PI4KB: variants seen among roughly 807,000 people sequenced by gnomAD.
PI4KB encodes PtdIns 4-kinase beta.
A neutral mutation model predicts 81.4 loss-of-function variants in PI4KB; 23 were observed. The observed-to-expected ratio is 0.28, with a 90% CI of 0.20 to 0.40. The LOEUF is 0.40. Among genes scored for constraint, PI4KB ranks in the 10% least tolerant of loss-of-function variants. PI4KB has a pLI of 1.00. For missense variants in PI4KB, 651 were observed against 1,036.6 expected, an observed-to-expected ratio of 0.63 and a Z score of 5.11; for synonymous variants, 381 against 406.8, an observed-to-expected ratio of 0.94 and a Z score of 0.76.
At chr1:151,307,824 A>C in intron 3 of PI4KB, 23 bp from the exon 4 acceptor site, 1 of 1,557,152 alleles carries the variant, frequency 6.4e-7, no homozygotes, top group African/African-American at 1.4e-5. Flanking sequence ...GGGGTAAGAC[A>C]AAAGATGGTG....
intron 2 of PI4KB, among the ~76,000 whole-genome samples, chr1:151,313,228 G>C (rs1268037240): frequency 6.6e-6 from 1 of 152,170 alleles, no homozygotes; most frequent in Non-Finnish European, 1.5e-5. Flanking sequence ...CATTCTGTCA[G>C]TATCAGATAA....
At chr1:151,311,715 G>C (rs752216061) in intron 2 of PI4KB, among the ~76,000 whole-genome samples, 37 of 152,220 alleles carry the variant, frequency 2.4e-4, no homozygotes, top group Admixed American at 1.2e-3. Context: ...TGGGGGAAGG[G>C]AGGTATATCA....
At chr1:151,325,706 C>G (rs1649508310) in intron 1 of PI4KB, among the ~76,000 whole-genome samples, 2 of 152,176 alleles carry the variant, frequency 1.3e-5, no homozygotes, top group Admixed American at 1.3e-4. Flanking sequence ...CTAGAAACAT[C>G]TGACAGAAAG....
rs772427493 is a variant in PI4KB at position 151,293,022 on chromosome 1, G to A, written c.2281C>T (p.Pro761Ser). The change falls in exon 12 of 12, where the codon CCT (proline) becomes TCT (serine). Residue 761 changes from proline to serine, a missense_variant. Pro to Ser is a moderately conservative substitution (Grantham distance 74). Coordinates refer to ENST00000368873, the MANE Select transcript of PI4KB (RefSeq NM_001369623.2). ...ATGGTGCTGGAGCCATGGAAGCAAG[G>A]AAGCTGAGAACCTGGGGGAAGCAGT... ...VEIMQQGSQL[P>S]CFHGSSTIRN... The A allele has an allele frequency of 6.2e-7, 1 of 1,614,086 alleles. No homozygotes were observed. Among genetic ancestry groups the A allele is most frequent in the Non-Finnish European group, 8.5e-7 (1 of 1,179,946 alleles).
intron 10 of PI4KB, 21 bp downstream of exon 10, chr1:151,294,388 C>A (rs770940962): frequency 3.7e-6 from 6 of 1,612,512 alleles, no homozygotes; most frequent in Non-Finnish European, 5.1e-6. Context: ...CCCCGAGAGG[C>A]ACCTCTCCTT....
At chr1:151,299,211 C>T (rs980347133) in intron 8 of PI4KB, 138 bp from the exon 9 acceptor site, 5 of 758,048 alleles carry the variant, frequency 6.6e-6, no homozygotes, top group Non-Finnish European at 1.1e-5. Flanking sequence ...ACTCACTTAA[C>T]CCAGTGAGGA....
chr1:151,301,250 C>G (rs11204798), intron 8 of PI4KB, among the ~76,000 whole-genome samples: 108,884 of 151,980 alleles, frequency 0.72, 39,436 homozygotes, highest in Middle Eastern at 0.79. Flanking sequence ...GAGTCTTGCT[C>G]TGTCGCCCAG....
At chr1:151,313,576 T>G (rs1647441111) in intron 2 of PI4KB, among the ~76,000 whole-genome samples, 1 of 152,228 alleles carries the variant, frequency 6.6e-6, no homozygotes, top group African/African-American at 2.4e-5. Flanking sequence ...GCTACAGGTT[T>G]GACTCCAAGA....
chr1:151,293,376 G>A (rs1314718945), intron 11 of PI4KB: 5 of 1,321,280 alleles, frequency 3.8e-6, no homozygotes, highest in Non-Finnish European at 5.0e-6. Flanking sequence ...GCAGACCTCT[G>A]CCTATGCTAC....
At chr1:151,309,009 C>T (rs1048586687) in intron 3 of PI4KB, among the ~76,000 whole-genome samples, 2 of 152,188 alleles carry the variant, frequency 1.3e-5, no homozygotes, top group Non-Finnish European at 2.9e-5. Context: ...GCCTCTGCCT[C>T]TTGGGAGATG....
At chr1:151,299,677 G>A (rs1360774929) in intron 8 of PI4KB, among the ~76,000 whole-genome samples, 5 of 152,000 alleles carry the variant, frequency 3.3e-5, no homozygotes, top group African/African-American at 9.7e-5. Flanking sequence ...GCGACAGAGC[G>A]AGACTCTCTC....
chr1:151,326,461 G>A, intron 1 of PI4KB: 2 of 410,232 alleles, frequency 4.9e-6, no homozygotes, highest in Non-Finnish European at 8.6e-6. Context: ...ACAAGGATCA[G>A]AGAAATCCCT....
chr1:151,316,403 C>T lies in PI4KB; in HGVS notation c.79G>A (p.Gly27Arg). Reference sequence around the variant, plus strand: ...TCCGTGATGACACTTAGCAGGGACCCCCCATTATTCCCTGGTGGGCCAGAA... The same window carrying T: ...TCCGTGATGACACTTAGCAGGGACCTCCCATTATTCCCTGGTGGGCCAGAA... ...PTSGPPGNNG[G>R]SLLSVITEGV... The change falls in exon 2 of 12, where the codon GGG becomes AGG. Residue 27 changes from glycine to arginine, a missense_variant. This residue lies in a region of PI4KB where 314 missense variants were observed against 397.8 expected (regional missense o/e 0.79). Transcript: ENST00000368873. 1 of 1,594,158 alleles carries T rather than the reference C, an allele frequency of 6.3e-7. No homozygotes were observed. Among genetic ancestry groups the T allele is most frequent in the Non-Finnish European group, 8.5e-7 (1 of 1,169,846 alleles).
In PI4KB at chr1:151,316,343, C is replaced by T. The variant is rs1274554646; in HGVS notation, c.139G>A (p.Val47Met). 1 of 1,613,212 alleles carries T rather than the reference C, an allele frequency of 6.2e-7. No homozygotes were observed. Reference sequence around the variant, plus strand: ...ACCTCCTGGCAGGCCTTCTGGGCCACCTCAGGGTCAATCACTGATAGTTCC... The same window carrying T: ...ACCTCCTGGCAGGCCTTCTGGGCCATCTCAGGGTCAATCACTGATAGTTCC... ...VGELSVIDPE[V>M]AQKACQEVLE... The change falls in exon 2 of 12, where the codon GTG becomes ATG. Residue 47 changes from valine (V) to methionine (M), a missense_variant. Val to Met is a conservative substitution (Grantham distance 21, BLOSUM62 1). Around this residue, in one of 5 missense-constraint regions of PI4KB, gnomAD observed 314 missense variants for 397.8 expected, o/e 0.79. Coordinates refer to ENST00000368873, the MANE Select transcript of PI4KB (RefSeq NM_001369623.2).
At chr1:151,323,672 C>CGA (rs958877649) in intron 1 of PI4KB, among the ~76,000 whole-genome samples, 4 of 152,002 alleles carry the variant, frequency 2.6e-5, no homozygotes, top group African/African-American at 9.7e-5. Flanking sequence ...TGCAGTGAGC[C>CGA]GAGATCGTGC....
At chr1:151,325,148 T>C (rs1649437248) in intron 1 of PI4KB, among the ~76,000 whole-genome samples, 1 of 152,004 alleles carries the variant, frequency 6.6e-6, no homozygotes, top group African/African-American at 2.4e-5. Context: ...CTCGCCACCA[T>C]GCCCGGCTAA....
intron 3 of PI4KB, among the ~76,000 whole-genome samples, chr1:151,308,142 G>A (rs1161904546): frequency 6.6e-6 from 1 of 152,160 alleles, no homozygotes; most frequent in Non-Finnish European, 1.5e-5. Context: ...GGTTAGCCAG[G>A]GCCACAGAGA....
At chr1:151,315,458 G>A (rs1647779134) in intron 2 of PI4KB, 115 bp downstream of exon 2, 1 of 745,028 alleles carries the variant, frequency 1.3e-6, no homozygotes, top group Non-Finnish European at 2.4e-6. Flanking sequence ...TTTTATCAGT[G>A]AAATGAAACA....
intron 4 of PI4KB, among the ~76,000 whole-genome samples, 183 bp downstream of exon 4, chr1:151,307,391 A>G (rs1387886772): frequency 6.6e-6 from 1 of 152,210 alleles, no homozygotes; most frequent in Non-Finnish European, 1.5e-5. Context: ...CCAAAAAGGG[A>G]TACAGGGGGG....
Sources: allele counts gnomAD v4.1 joint callset (sites outside exome capture counted in the v4.1 genomes callset), GRCh38; gene constraint gnomAD v4.1.1; regional missense constraint gnomAD v4.1.1; transcripts MANE v1.5; gene names NCBI Gene and HGNC (gene_info 2026-07-23, HGNC 2026-07-21).